NLGN3: variants seen among roughly 807,000 people sequenced by gnomAD.
NLGN3 encodes the protein neuroligin-3.
In NLGN3, 11 loss-of-function variants were observed where a neutral mutation model predicts 42.9. The ratio of observed to expected loss-of-function variants is 0.26; its 90% CI spans 0.16 to 0.42. NLGN3 has a LOEUF of 0.42. Among genes scored for constraint, NLGN3 ranks in the 10% least tolerant of loss-of-function variants. The pLI is 1.00. For missense variants in NLGN3, 374 were observed against 733.8 expected (o/e 0.51, Z 5.67); for synonymous variants, 279 against 312.7 (o/e 0.89, Z 1.14).
intron 7 of NLGN3, among the ~76,000 whole-genome samples, chrX:71,168,877 AAAGAAAG>A (rs1569485748): frequency 0.023 from 1,691 of 72,345 alleles, 76 homozygotes; most frequent in African/African-American, 0.13. Flanking sequence ...AAGAGAAAGA[AAAGAAAG>A]AGAAAGAAAG....
In NLGN3 at chrX:71,148,868, C is replaced by T; in HGVS notation, c.480C>T (p.Cys160=). The T allele has an allele frequency of 5.3e-6, 6 of 1,129,950 alleles. No homozygotes were observed. Among genetic ancestry groups the T allele is most frequent in the Non-Finnish European group, 7.0e-6 (6 of 854,630 alleles). 93.1% of individuals were successfully genotyped at this position (1,129,950 alleles called of 1,213,427 possible). ...TEDVKRISKE[C]ARKPNKKICR... The stretch of plus-strand genomic sequence containing the variant: ...CAGTAAAGCGGATTTCCAAGGAATG[C>T]GCCCGAAAGCCCAACAAGAAAATTT... The change falls in exon 3 of 8, where the codon TGC becomes TGT. Residue 160 remains cysteine, a synonymous_variant. Transcript: ENST00000358741.
At chrX:71,156,736 T>A (rs2092410708) in intron 5 of NLGN3, among the ~76,000 whole-genome samples, 1 of 110,277 alleles carries the variant, frequency 9.1e-6, no homozygotes, top group Non-Finnish European at 1.9e-5. Flanking sequence ...GTACACACTC[T>A]TTGTACTCTA....
Position 71,147,607 on chromosome X carries a change from T to C in NLGN3, c.-143T>C. The C allele has an allele frequency of 1.9e-6, 1 of 527,267 alleles. No homozygotes were observed. The highest frequency in any genetic ancestry group is 3.3e-6 in the Non-Finnish European group (1 of 303,168). The allele number at this position is 527,267 out of a possible 1,213,427, so 43.5% of individuals were successfully genotyped here. A position where few individuals can be genotyped will look rare whatever the true frequency, so the allele number is the denominator to read the frequency against. ...AAGCTGTGGTGCTTGGACGACCTGC[T>C]CTCTACATTGCTGGGCACCTGTAGG... On this transcript the variant is annotated 5_prime_UTR_variant, in exon 2 of 8. Coordinates refer to ENST00000358741, the MANE Select transcript of NLGN3 (RefSeq NM_181303.2).
intron 5 of NLGN3, among the ~76,000 whole-genome samples, chrX:71,155,932 A>G (rs967458748): frequency 6.3e-5 from 7 of 110,605 alleles, no homozygotes; most frequent in African/African-American, 2.3e-4. Context: ...CTCCATTCAC[A>G]TGGTCTCTCC....
At chrX:71,162,909 G>A (rs755044076) in intron 5 of NLGN3, among the ~76,000 whole-genome samples, 1 of 112,003 alleles carries the variant, frequency 8.9e-6, no homozygotes, top group South Asian at 3.7e-4. Flanking sequence ...TGATCCAAGT[G>A]TGGGTTTCCA....
At chrX:71,145,612 G>A (rs1237145476) in intron 1 of NLGN3, among the ~76,000 whole-genome samples, 1 of 109,516 alleles carries the variant, frequency 9.1e-6, no homozygotes, top group Non-Finnish European at 1.9e-5. Flanking sequence ...TTGGCCTTGG[G>A]GATTCACAGT....
At chrX:71,155,510 C>A in intron 5 of NLGN3, 147 bp downstream of exon 5, 1 of 739,230 alleles carries the variant, frequency 1.4e-6, no homozygotes, top group Non-Finnish European at 2.1e-6. Context: ...CTGGCCCCTA[C>A]CCAAATGCTA....
chrX:71,172,423 G>A (rs900322950), downstream of NLGN3, among the ~76,000 whole-genome samples: 1 of 110,432 alleles, frequency 9.1e-6, no homozygotes, highest in Non-Finnish European at 1.9e-5. Context: ...ATTAGAAACA[G>A]ACCTAGAATG....
chrX:71,145,237 G>A (rs1161767120), intron 1 of NLGN3, among the ~76,000 whole-genome samples: 1 of 105,901 alleles, frequency 9.4e-6, no homozygotes, highest in Admixed American at 1.0e-4. Flanking sequence ...TACCCCTATT[G>A]AGGGCCCCCA....
At chrX:71,146,909 G>T (rs1432240699) in intron 1 of NLGN3, among the ~76,000 whole-genome samples, 1 of 111,794 alleles carries the variant, frequency 8.9e-6, no homozygotes, top group African/African-American at 3.3e-5. Context: ...AGAGCCAACC[G>T]AAAGGACCAA....
chrX:71,170,637 G>A lies in NLGN3; in HGVS notation c.*540G>A, dbSNP rs1204736638. 9 of 771,765 alleles carry A rather than the reference G, an allele frequency of 1.2e-5. No individual in the cohort carries two copies. The highest frequency in any genetic ancestry group is 3.1e-6 in the Non-Finnish European group (2 of 650,060). 63.6% of individuals were successfully genotyped at this position (771,765 alleles called of 1,213,427 possible). ...ATGAGTGCTAAGAGCCTCTGGAAGG[G>A]AGGGCTTCAGGCCCGAAGGTCTCTC... On this transcript the variant is annotated 3_prime_UTR_variant, in exon 8 of 8. Coordinates refer to ENST00000358741, the MANE Select transcript of NLGN3 (RefSeq NM_181303.2).
At chrX:71,168,869 G>GAAAGAAA (rs375278513) in intron 7 of NLGN3, among the ~76,000 whole-genome samples, 1 of 71,370 alleles carries the variant, frequency 1.4e-5, no homozygotes, top group African/African-American at 6.6e-5. Context: ...AAGAAAGAAA[G>GAAAGAAA]AGAAAGAAAA....
intron 6 of NLGN3, among the ~76,000 whole-genome samples, chrX:71,165,699 G>A (rs1200703293): frequency 1.8e-5 from 2 of 110,137 alleles, no homozygotes; most frequent in Non-Finnish European, 3.8e-5. Flanking sequence ...CTAATTTTGG[G>A]GATAAATTTT....
chrX:71,155,449 C>G, intron 5 of NLGN3, 86 bp downstream of exon 5: 1 of 1,092,355 alleles, frequency 9.2e-7, no homozygotes, highest in Non-Finnish European at 1.3e-6. Flanking sequence ...AAACAGATAG[C>G]CTTGCTTCTC....
chrX:71,169,926 C>T lies in NLGN3; in HGVS notation c.2376C>T (p.Tyr792=), dbSNP rs1261762271. ...DTLRLTALPD[Y]TLTLRRSPDD... ...TGCGCCTCACTGCATTGCCCGACTA[C>T]ACCCTGACCCTGCGGCGCTCCCCGG... The change falls in exon 8 of 8, where the codon TAC becomes TAT. Residue 792 remains tyrosine, a synonymous_variant. Coordinates refer to ENST00000358741, the MANE Select transcript of NLGN3 (RefSeq NM_181303.2). The T allele has an allele frequency of 2.5e-6, 3 of 1,200,889 alleles. No individual in the cohort carries two copies. In the Admixed American group the frequency reaches 6.7e-5, roughly 27 times the overall value.
chrX:71,169,792 C>T lies in NLGN3; in HGVS notation c.2242C>T (p.Arg748Trp), dbSNP rs1411509097. The change falls in exon 8 of 8, where the codon CGG becomes TGG. Residue 748 changes from arginine to tryptophan, a missense_variant. Around this residue, in one of 6 missense-constraint regions of NLGN3, gnomAD observed 92 missense variants for 108.0 expected, o/e 0.85. Transcript: ENST00000358741. ...GCCCCTGCGGCAGCCTAGCCCTCAG[C>T]GGGGAGCCGGGGCCCCGGAGTTGGG... ...QEPLRQPSPQRGAGAPELGAA... is the reference protein window; with the variant it reads ...QEPLRQPSPQWGAGAPELGAA... 2.5e-6 allele frequency: 3 copies of T among 1,208,695 alleles called. No homozygotes were observed. The highest frequency in any genetic ancestry group is 3.0e-5 in the East Asian group (1 of 33,774).
intron 3 of NLGN3, 42 bp downstream of exon 3, chrX:71,148,947 A>T: frequency 1.2e-6 from 1 of 844,037 alleles, no homozygotes; most frequent in Non-Finnish European, 1.6e-6. Flanking sequence ...AGAGAGAGGG[A>T]GGGCTGCCTG....
intron 5 of NLGN3, among the ~76,000 whole-genome samples, chrX:71,159,504 G>A (rs1402777454): frequency 9.0e-6 from 1 of 111,449 alleles, no homozygotes; most frequent in Non-Finnish European, 1.9e-5. Context: ...GGCTTAAGCA[G>A]TTGATGATCA....
Position 71,155,346 on chromosome X carries a change from A to T in NLGN3, c.710A>T (p.Tyr237Phe). 8.3e-7 allele frequency: 1 copy of T among 1,211,649 alleles called. No homozygotes were observed. The highest frequency in any genetic ancestry group is 3.0e-5 in the East Asian group (1 of 33,851). Residue 237 changes from tyrosine to phenylalanine, a missense_variant, in exon 5 of 8, where the codon TAT becomes TTT. Tyr to Phe is a conservative substitution (Grantham distance 22). Transcript: ENST00000358741. ...YGNVIVITLN[Y>F]RVGVLGFLST... is the part of the protein sequence containing the mutation. ...AATGTCATCGTCATCACCCTCAACT[A>T]TCGGGTTGGAGTGCTAGGTATGGTT...
Sources: allele counts gnomAD v4.1 joint callset (sites outside exome capture counted in the v4.1 genomes callset), GRCh38; gene constraint gnomAD v4.1.1; regional missense constraint gnomAD v4.1.1; transcripts MANE v1.5; gene names NCBI Gene and HGNC (gene_info 2026-07-23, HGNC 2026-07-21).